The following TRERF1 variants were observed in gnomAD, a reference collection of about 807,000 sequenced individuals.
The protein encoded by TRERF1 is transcriptional-regulating factor 1.
TRERF1 carries 27 observed loss-of-function variants against 122.9 expected under a neutral mutation model. That is an observed-to-expected ratio of 0.22 (90% CI 0.16 to 0.30). The LOEUF is 0.30. Among genes scored for constraint, TRERF1 ranks in the 10% least tolerant of loss-of-function variants. The probability of loss-of-function intolerance (pLI) is 1.00; values close to 1 mark genes in which losing one functional copy is unlikely to be tolerated. For missense variants in TRERF1, 1,248 were observed against 1,560.3 expected, an observed-to-expected ratio of 0.80 and a Z score of 3.37; for synonymous variants, 636 against 641.7, an observed-to-expected ratio of 0.99 and a Z score of 0.13.
intron 15 of TRERF1, among the ~76,000 whole-genome samples, chr6:42,241,267 CA>C (rs1773637223): frequency 6.6e-6 from 1 of 152,096 alleles, no homozygotes; most frequent in African/African-American, 2.4e-5. Flanking sequence ...ATGAGTCAAA[CA>C]AAAGCCCTGG....
At chr6:42,375,063 A>G (rs1458948645) in intron 2 of TRERF1, among the ~76,000 whole-genome samples, 1 of 151,684 alleles carries the variant, frequency 6.6e-6, no homozygotes. Context: ...AAGTAATTAT[A>G]CGGGAAATTA....
intron 2 of TRERF1, among the ~76,000 whole-genome samples, chr6:42,450,508 G>A (rs1463426107): frequency 6.6e-6 from 1 of 152,220 alleles, no homozygotes; most frequent in Non-Finnish European, 1.5e-5. Context: ...CTAACAGGCC[G>A]GTAGAAGACA....
intron 3 of TRERF1, among the ~76,000 whole-genome samples, chr6:42,348,542 C>T (rs1420794270): frequency 6.6e-6 from 1 of 152,128 alleles, no homozygotes; most frequent in African/African-American, 2.4e-5. Context: ...CGTGAGCCAT[C>T]GTGCCTGGCC....
chr6:42,436,687 T>C (rs183677180), intron 2 of TRERF1, among the ~76,000 whole-genome samples: 86 of 151,242 alleles, frequency 5.7e-4, no homozygotes, highest in African/African-American at 1.9e-3. Flanking sequence ...GAAGGAAATA[T>C]ATTAAAATGT....
At chr6:42,237,681 C>T (rs1772562461) in intron 15 of TRERF1, among the ~76,000 whole-genome samples, 1 of 152,088 alleles carries the variant, frequency 6.6e-6, no homozygotes. Flanking sequence ...ATTCTTAAAG[C>T]CCAGAAGCAA....
intron 3 of TRERF1, among the ~76,000 whole-genome samples, chr6:42,311,869 A>T (rs1761727740): frequency 3.3e-5 from 5 of 152,060 alleles, no homozygotes; most frequent in Admixed American, 2.6e-4. Context: ...ACAAGAGGAC[A>T]AGAGTGGAGA....
At chr6:42,256,620 T>C (rs929343569) in intron 12 of TRERF1, 108 bp downstream of exon 12, 1 of 894,370 alleles carries the variant, frequency 1.1e-6, no homozygotes, top group South Asian at 1.5e-5. Context: ...TTGGTCATCA[T>C]GCGCCGATTG....
At chr6:42,398,647 T>C (rs1335297102) in intron 2 of TRERF1, among the ~76,000 whole-genome samples, 2 of 152,242 alleles carry the variant, frequency 1.3e-5, no homozygotes, top group African/African-American at 4.8e-5. Context: ...CCAAACCTTC[T>C]GGGCCTGGCA....
chr6:42,333,410 G>A lies in TRERF1; in HGVS notation c.-371+29587C>T, dbSNP rs142296153. Among the ~76,000 whole-genome samples the A allele has an allele frequency of 3.3e-5, 5 of 152,326 alleles. No individual in the cohort carries two copies. The East Asian group carries it at 9.6e-4, about 29-fold the overall frequency. ...ACATGAGTCGGACATCCCAGGGGAT[G>A]TTTCCCTTTGTTATCCAAAGGACCC... On this transcript the variant is annotated intron_variant, in intron 3 of 17. Coordinates refer to ENST00000372922, the Ensembl canonical transcript of TRERF1.
chr6:42,249,465 A>G (rs1044167002), intron 13 of TRERF1, among the ~76,000 whole-genome samples: 3 of 151,832 alleles, frequency 2.0e-5, no homozygotes, highest in African/African-American at 7.3e-5. Flanking sequence ...GCCAGATGCA[A>G]CTCCACTGGT....
At chr6:42,441,301 T>C (rs762842812) in intron 2 of TRERF1, among the ~76,000 whole-genome samples, 12 of 152,156 alleles carry the variant, frequency 7.9e-5, no homozygotes, top group Non-Finnish European at 1.5e-4. Context: ...CCCGCCTCTA[T>C]CAGAAATCTT....
At chr6:42,392,249 T>C (rs1192907762) in intron 2 of TRERF1, among the ~76,000 whole-genome samples, 1 of 152,210 alleles carries the variant, frequency 6.6e-6, no homozygotes, top group African/African-American at 2.4e-5. Flanking sequence ...AGTGAATGAA[T>C]AAGCAGTTGA....
At chr6:42,226,984 G>A (rs540427778) in exon 18 of TRERF1, 40 of 152,356 alleles carry the variant, frequency 2.6e-4, no homozygotes, top group African/African-American at 8.9e-4. Flanking sequence ...TTGCCCTAAC[G>A]GTGGGATGGG....
chr6:42,268,702 G>C lies in TRERF1; in HGVS notation c.889C>G (p.Pro297Ala), dbSNP rs1274550394. Residue 297 changes from proline (P) to alanine (A), a missense_variant, in exon 5 of 18, where the codon CCA becomes GCA. By Grantham distance (27) the Pro-to-Ala change is conservative. Transcript: ENST00000372922. This position sits in a 1 kb window ranked among gnomAD's most constrained non-coding sequence, Gnocchi z 4.4. ...TGTGGCGGCGGCTGTGGCTGTGATGGGCGAATTTGTTGCGGCTGCGTCTGT... is the reference window on the plus strand; with the variant it reads ...TGTGGCGGCGGCTGTGGCTGTGATGCGCGAATTTGTTGCGGCTGCGTCTGT... 2 of 1,614,078 alleles carry C rather than the reference G, an allele frequency of 1.2e-6. No individual in the cohort carries two copies. The highest frequency in any genetic ancestry group is 1.7e-6 in the Non-Finnish European group (2 of 1,180,040).
At chr6:42,236,056 G>A in intron 16 of TRERF1, 149 bp downstream of exon 16, 1 of 1,282,906 alleles carries the variant, frequency 7.8e-7, no homozygotes, top group Admixed American at 3.2e-5. Flanking sequence ...TTGGCCAAAT[G>A]AAGCAGAAAA....
At chr6:42,262,612 A>AGAGAGAGACAGAGAGAGAGAGAGAGAGGG (rs1169414320) in intron 8 of TRERF1, among the ~76,000 whole-genome samples, 1 of 116,220 alleles carries the variant, frequency 8.6e-6, no homozygotes, top group East Asian at 2.6e-4. Context: ...AGACAGACGG[A>AGAGAGAGACAGAGAGAGAGAGAGAGAGGG]AACCCTTCCC....
intron 2 of TRERF1, among the ~76,000 whole-genome samples, chr6:42,374,150 A>AAAGAAGAAGAAGAAGAAGAAG (rs762812010): frequency 2.8e-5 from 4 of 143,962 alleles, no homozygotes; most frequent in African/African-American, 1.0e-4. Context: ...AAAAAAAAAA[A>AAAGAAGAAGAAGAAGAAGAAG]AAGAAGAAGA....
intron 4 of TRERF1, among the ~76,000 whole-genome samples, chr6:42,270,697 G>A (rs1041723160): frequency 4.0e-5 from 6 of 151,820 alleles, no homozygotes; most frequent in Non-Finnish European, 8.8e-5. Context: ...CACCTATCAG[G>A]AGACTGAGGC....
chr6:42,409,934 T>C (rs571890733), intron 2 of TRERF1, among the ~76,000 whole-genome samples: 1 of 152,350 alleles, frequency 6.6e-6, no homozygotes, highest in East Asian at 1.9e-4. Context: ...CTTCTGATGC[T>C]TTATAATGCA....
Sources: gnomAD v4.1 joint callset for allele counts (sites outside exome capture counted in the v4.1 genomes callset) on GRCh38, gnomAD v4.1.1 for gene constraint, Gnocchi (gnomAD v3.1) non-coding constraint, MANE v1.5 for transcripts, NCBI Gene and HGNC (gene_info 2026-07-23, HGNC 2026-07-21) for gene names.